The following DMD variants were observed in gnomAD, a reference collection of about 807,000 sequenced individuals.
The protein encoded by DMD is dystrophin.
Under a neutral mutation model 330.1 loss-of-function variants are expected in DMD, and 63 were observed. That is an observed-to-expected ratio of 0.19 (90% confidence interval 0.16 to 0.24). The LOEUF (loss-of-function observed/expected upper bound fraction) is 0.24, where lower values mean the gene tolerates loss of function less well. Ranked by LOEUF, DMD falls within the 10% of genes least tolerant of loss-of-function variation. The pLI is 1.00. For synonymous variants in DMD, 1,223 were observed against 959.8 expected (o/e 1.27, Z -5.07); for missense variants, 3,344 against 2,684.1 (o/e 1.25, Z -5.43).
At chrX:32,818,517 T>G (rs2077945041) in intron 5 of DMD, among the ~76,000 whole-genome samples, 1 of 112,245 alleles carries the variant, frequency 8.9e-6, no homozygotes, top group African/African-American at 3.2e-5. Context: ...CAGGTCTCAC[T>G]GTCTCTAAAG....
At chrX:32,711,936 C>T (rs1050628851) in intron 7 of DMD, among the ~76,000 whole-genome samples, 2 of 111,867 alleles carry the variant, frequency 1.8e-5, no homozygotes, top group Non-Finnish European at 3.8e-5. Flanking sequence ...GGATAAGAAA[C>T]TTAATTTCTT....
At chrX:31,252,375 A>G (rs1201115082) in intron 63 of DMD, among the ~76,000 whole-genome samples, 1 of 112,098 alleles carries the variant, frequency 8.9e-6, no homozygotes, top group East Asian at 2.8e-4. Flanking sequence ...TGTTCCTTTG[A>G]GAACAGAGAA....
intron 51 of DMD, among the ~76,000 whole-genome samples, chrX:31,751,709 C>T (rs1159030206): frequency 8.9e-6 from 1 of 112,013 alleles, no homozygotes; most frequent in African/African-American, 3.2e-5. Context: ...AAAAAATAAA[C>T]CTTAATAAGA....
At chrX:33,165,740 C>T (rs1164454906) in intron 1 of DMD, among the ~76,000 whole-genome samples, 1 of 110,947 alleles carries the variant, frequency 9.0e-6, no homozygotes, top group Admixed American at 9.7e-5. Context: ...AGTACCGGAA[C>T]CAAATAAGTA....
At chrX:31,492,103 C>A (rs1176388675) in intron 57 of DMD, among the ~76,000 whole-genome samples, 1 of 111,751 alleles carries the variant, frequency 8.9e-6, no homozygotes, top group Non-Finnish European at 1.9e-5. Context: ...TTACAGTGAC[C>A]CATCTTGATA....
At chrX:31,407,437 A>G (rs761940203) in intron 60 of DMD, among the ~76,000 whole-genome samples, 9 of 102,857 alleles carry the variant, frequency 8.8e-5, no homozygotes, top group Non-Finnish European at 1.6e-4. Flanking sequence ...AAGTGCTGGG[A>G]TTACAGGTGT....
chrX:33,166,891 A>C (rs1306509857), intron 1 of DMD, among the ~76,000 whole-genome samples: 8 of 110,806 alleles, frequency 7.2e-5, no homozygotes. Context: ...ACTCAAATAA[A>C]TCTAGAAGGC....
intron 7 of DMD, among the ~76,000 whole-genome samples, chrX:32,737,140 AG>A (rs755780163): frequency 9.2e-5 from 10 of 108,957 alleles, no homozygotes; most frequent in South Asian, 4.0e-4. Flanking sequence ...CAACAACAAA[AG>A]GGGGGGGACA....
chrX:32,327,467 T>A (rs145262603), intron 41 of DMD, among the ~76,000 whole-genome samples: 2,457 of 111,035 alleles, frequency 0.022, 69 homozygotes, highest in African/African-American at 0.075. Flanking sequence ...TAGAAATGGT[T>A]ATATTTAATA....
At chrX:31,140,762 C>G (rs1297961586) in intron 76 of DMD, among the ~76,000 whole-genome samples, 2 of 62,129 alleles carry the variant, frequency 3.2e-5, no homozygotes, top group African/African-American at 9.4e-5. Flanking sequence ...AATATTAACT[C>G]AACAAGCACT....
At chrX:32,054,000 G>T (rs1034094669) in intron 44 of DMD, among the ~76,000 whole-genome samples, 1 of 106,824 alleles carries the variant, frequency 9.4e-6, no homozygotes, top group Non-Finnish European at 1.9e-5. Context: ...TTGTCCATTA[G>T]ACTTCTAAAT....
chrX:32,511,327 T>C (rs757807011), intron 18 of DMD, among the ~76,000 whole-genome samples: 2 of 109,104 alleles, frequency 1.8e-5, no homozygotes, highest in African/African-American at 6.7e-5. Flanking sequence ...ATGGAGACCA[T>C]CCTGGCCAAC....
chrX:32,448,081 C>T (rs749269376), intron 27 of DMD, among the ~76,000 whole-genome samples: 1 of 109,689 alleles, frequency 9.1e-6, no homozygotes, highest in Non-Finnish European at 1.9e-5. Context: ...TATGTACATA[C>T]AAAAATAAGA....
At chrX:31,498,414 A>G in intron 56 of DMD, among the ~76,000 whole-genome samples, 1 of 112,273 alleles carries the variant, frequency 8.9e-6, no homozygotes, top group Admixed American at 9.5e-5. Flanking sequence ...AAAGGGAATT[A>G]TTACATATAT....
At chrX:32,496,752 G>A (rs183594665) in intron 19 of DMD, among the ~76,000 whole-genome samples, 3 of 112,633 alleles carry the variant, frequency 2.7e-5, no homozygotes, top group African/African-American at 9.7e-5. Flanking sequence ...AGACTTAAAC[G>A]AAGAAAAATG....
At chrX:31,568,834 C>T (rs2075606257) in intron 55 of DMD, among the ~76,000 whole-genome samples, 1 of 111,341 alleles carries the variant, frequency 9.0e-6, no homozygotes, top group Non-Finnish European at 1.9e-5. Context: ...TCATTCTTCT[C>T]TTTCTTTTTT....
intron 2 of DMD, among the ~76,000 whole-genome samples, chrX:33,007,251 G>T (rs917117833): frequency 9.1e-6 from 1 of 110,348 alleles, no homozygotes; most frequent in African/African-American, 3.3e-5. Flanking sequence ...TCCACTTGCA[G>T]ATCCTACCGC....
intron 39 of DMD, among the ~76,000 whole-genome samples, chrX:32,344,541 G>A (rs1439334948): frequency 1.8e-5 from 2 of 110,807 alleles, no homozygotes; most frequent in Non-Finnish European, 3.8e-5. Flanking sequence ...GAGTCAGATC[G>A]AACGCTGCTT....
rs1388525572 is a variant in DMD at position 31,321,607 on chromosome X, A to AAAAAAGAAAG, written c.9224+1990_9224+1991insCTTTCTTTTT. 1.7e-3 allele frequency among the ~76,000 whole-genome samples: 153 copies of AAAAAAGAAAG among 89,238 alleles called. 2 individuals carry two copies. Among genetic ancestry groups the AAAAAAGAAAG allele is most frequent in the Non-Finnish European group, 3.1e-3 (151 of 48,817 alleles). The allele number at this position is 89,238 out of a possible 115,157, so 77.5% of individuals were successfully genotyped here. On this transcript the variant is annotated intron_variant, in intron 62 of 78. Coordinates refer to ENST00000357033, the MANE Select transcript of DMD (RefSeq NM_004006.3). ...TCAAAAAAAAAAAAAAAAAAAAAAAAAAAGAAAGAAACCAAGATTTTTATA... is the reference window on the plus strand; with the variant it reads ...TCAAAAAAAAAAAAAAAAAAAAAAAAAAAAAGAAAGAAAGAAAGAAACCAAGATTTTTATA...
Sources: gnomAD v4.1 joint callset for allele counts (sites outside exome capture counted in the v4.1 genomes callset) on GRCh38, gnomAD v4.1.1 for gene constraint, MANE v1.5 for transcripts, NCBI Gene and HGNC (gene_info 2026-07-23, HGNC 2026-07-21) for gene names.